Variants in PTPRD observed in about 807,000 individuals in gnomAD.
PTPRD encodes protein tyrosine phosphatase receptor type D.
A neutral mutation model predicts 214.5 loss-of-function variants in PTPRD; 34 were observed. The observed-to-expected ratio is 0.16, with a 90% confidence interval of 0.12 to 0.21. The LOEUF is 0.21. Among genes scored for constraint, PTPRD ranks in the 10% least tolerant of loss-of-function variants. The pLI is 1.00. For missense variants in PTPRD, 2,545 were observed against 2,398.7 expected (o/e 1.06, Z -1.27); for synonymous variants, 1,128 against 845.7 (o/e 1.33, Z -5.79).
intron 3 of PTPRD, among the ~76,000 whole-genome samples, chr9:10,092,019 C>T (rs1168186283): frequency 6.6e-6 from 1 of 151,292 alleles, no homozygotes; most frequent in African/African-American, 2.4e-5. Context: ...TTGGCCTACA[C>T]TTGACTCCTG....
intron 8 of PTPRD, among the ~76,000 whole-genome samples, chr9:9,445,349 T>G (rs2090021259): frequency 6.6e-6 from 1 of 152,216 alleles, no homozygotes; most frequent in Non-Finnish European, 1.5e-5. Flanking sequence ...CCTTGAGATC[T>G]GGAAAAAGTG....
At chr9:10,304,331 C>T (rs987843411) in intron 3 of PTPRD, among the ~76,000 whole-genome samples, 1 of 152,168 alleles carries the variant, frequency 6.6e-6, no homozygotes. Flanking sequence ...AAACCAGAAG[C>T]ATTTCCTTTG....
At chr9:9,941,323 G>A (rs947633585) in intron 4 of PTPRD, among the ~76,000 whole-genome samples, 2 of 152,060 alleles carry the variant, frequency 1.3e-5, no homozygotes, top group South Asian at 2.1e-4. Context: ...AGTGAATGAA[G>A]AAATATGTGT....
At chr9:9,807,602 G>A (rs183791800) in intron 5 of PTPRD, among the ~76,000 whole-genome samples, 3 of 152,256 alleles carry the variant, frequency 2.0e-5, no homozygotes, top group South Asian at 2.1e-4. Context: ...AGATAACTTT[G>A]TGAAAATATC....
At chr9:9,869,524 T>C (rs192057833) in intron 5 of PTPRD, among the ~76,000 whole-genome samples, 2 of 152,110 alleles carry the variant, frequency 1.3e-5, no homozygotes, top group Admixed American at 6.6e-5. Flanking sequence ...TTGTCCCACA[T>C]TCAGATTGTA....
chr9:9,077,894 C>T (rs563564976), intron 10 of PTPRD, among the ~76,000 whole-genome samples: 1 of 152,122 alleles, frequency 6.6e-6, no homozygotes, highest in South Asian at 2.1e-4. Flanking sequence ...CTTGAATGAG[C>T]TCTAAAATAA....
At chr9:9,585,273 G>C (rs1484079199) in intron 7 of PTPRD, among the ~76,000 whole-genome samples, 4 of 152,068 alleles carry the variant, frequency 2.6e-5, no homozygotes, top group Non-Finnish European at 5.9e-5. Context: ...ATGTTTGAGT[G>C]AATGCAACAA....
intron 3 of PTPRD, among the ~76,000 whole-genome samples, chr9:10,245,855 A>C (rs2091995471): frequency 6.6e-6 from 1 of 152,122 alleles, no homozygotes; most frequent in Admixed American, 6.6e-5. Context: ...GTATCAAGTA[A>C]GGGATTTTCT....
chr9:10,533,236 A>C (rs1303490008), intron 2 of PTPRD, among the ~76,000 whole-genome samples: 1 of 152,114 alleles, frequency 6.6e-6, no homozygotes, highest in African/African-American at 2.4e-5. Flanking sequence ...CCTTCTGGCC[A>C]CCAGAATGGT....
chr9:9,907,506 C>T (rs2077936133), intron 5 of PTPRD, among the ~76,000 whole-genome samples: 2 of 151,970 alleles, frequency 1.3e-5, no homozygotes, highest in African/African-American at 2.4e-5. Context: ...GACATTTACT[C>T]AATGTACACA....
intron 10 of PTPRD, among the ~76,000 whole-genome samples, chr9:9,166,988 G>A (rs1003718230): frequency 4.6e-5 from 7 of 151,592 alleles, no homozygotes; most frequent in African/African-American, 1.7e-4. Flanking sequence ...TAAGTATTAA[G>A]TACTGTGTGC....
chr9:9,508,136 T>G (rs1178394437), intron 8 of PTPRD, among the ~76,000 whole-genome samples: 1 of 151,594 alleles, frequency 6.6e-6, no homozygotes, highest in Non-Finnish European at 1.5e-5. Flanking sequence ...CTCTTGCTCT[T>G]CTTCAGACAC....
chr9:9,592,334 G>A (rs1399962107), intron 7 of PTPRD, among the ~76,000 whole-genome samples: 2 of 151,918 alleles, frequency 1.3e-5, no homozygotes, highest in Non-Finnish European at 2.9e-5. Flanking sequence ...CAAAAATAAT[G>A]CAAAACAAAA....
intron 4 of PTPRD, among the ~76,000 whole-genome samples, chr9:9,945,406 G>C (rs2092406728): frequency 1.3e-5 from 2 of 152,132 alleles, no homozygotes; most frequent in Admixed American, 1.3e-4. Context: ...GCCTTGGGTA[G>C]TCCAACTTTT....
intron 4 of PTPRD, among the ~76,000 whole-genome samples, chr9:9,983,741 T>A (rs2095618743): frequency 6.6e-6 from 1 of 152,244 alleles, no homozygotes; most frequent in Admixed American, 6.5e-5. Flanking sequence ...ATCAACAATT[T>A]GAAAAATACT....
chr9:9,408,684 C>T (rs2074371898), intron 8 of PTPRD, among the ~76,000 whole-genome samples: 1 of 151,826 alleles, frequency 6.6e-6, no homozygotes, highest in African/African-American at 2.4e-5. Flanking sequence ...TCAGACAGAA[C>T]ATTGTTTGAA....
intron 8 of PTPRD, among the ~76,000 whole-genome samples, chr9:9,488,755 T>C (rs2154204750): frequency 6.6e-6 from 1 of 152,244 alleles, no homozygotes; most frequent in African/African-American, 2.4e-5. Context: ...GACTGGGAAT[T>C]GCAGTTAATT....
chr9:8,504,699 C>A (rs762928234), intron 22 of PTPRD, among the ~76,000 whole-genome samples: 1 of 152,200 alleles, frequency 6.6e-6, no homozygotes, highest in Admixed American at 6.5e-5. Context: ...GAGGCCAACA[C>A]CCATGAGTAT....
intron 11 of PTPRD, among the ~76,000 whole-genome samples, chr9:8,808,258 G>A (rs2096727335): frequency 1.3e-5 from 2 of 152,134 alleles, no homozygotes; most frequent in African/African-American, 4.8e-5. Flanking sequence ...GGTGTGAGAG[G>A]TGAACAACAG....
Sources: allele counts gnomAD v4.1 joint callset (sites outside exome capture counted in the v4.1 genomes callset), GRCh38; gene constraint gnomAD v4.1.1; transcripts MANE v1.5; gene names NCBI Gene and HGNC (gene_info 2026-07-23, HGNC 2026-07-21).